Variants in ALK observed in about 807,000 individuals in gnomAD.
The protein encoded by ALK is ALK receptor tyrosine kinase.
ALK carries 74 observed loss-of-function variants against 163.1 expected under a neutral mutation model. The ratio of observed to expected loss-of-function variants is 0.45; its 90% CI spans 0.38 to 0.55. ALK has a LOEUF of 0.55. Among genes scored for constraint, ALK ranks in the 20% least tolerant of loss-of-function variants. The pLI is 0.00. For missense variants in ALK, 2,063 were observed against 2,105.3 expected (o/e 0.98, Z 0.39); for synonymous variants, 960 against 843.2 (o/e 1.14, Z -2.40).
At chr2:29,544,379 G>C (rs1029013210) in intron 3 of ALK, among the ~76,000 whole-genome samples, 10 of 152,190 alleles carry the variant, frequency 6.6e-5, no homozygotes, top group African/African-American at 2.4e-4. Flanking sequence ...AGACTTCTCA[G>C]AGCCTTGATA....
At chr2:29,846,254 C>G (rs1240725656) in intron 1 of ALK, among the ~76,000 whole-genome samples, 1 of 152,198 alleles carries the variant, frequency 6.6e-6, no homozygotes, top group Admixed American at 6.5e-5. Context: ...CACTTGCCCC[C>G]CCACCTGACC....
chr2:29,574,125 T>TGC (rs1379050745), intron 3 of ALK, among the ~76,000 whole-genome samples: 1 of 152,164 alleles, frequency 6.6e-6, no homozygotes, highest in East Asian at 1.9e-4. Context: ...TAAGTCCCAC[T>TGC]GCATGCAAGC....
chr2:29,401,911 G>C (rs564919951), intron 4 of ALK, among the ~76,000 whole-genome samples: 1 of 152,144 alleles, frequency 6.6e-6, no homozygotes, highest in East Asian at 1.9e-4. Flanking sequence ...ACTCCCCAGT[G>C]GTCTTCAATG....
chr2:29,769,258 G>A (rs1368948558), intron 1 of ALK, among the ~76,000 whole-genome samples: 1 of 152,186 alleles, frequency 6.6e-6, no homozygotes, highest in Non-Finnish European at 1.5e-5. Context: ...AGGGGTTGGA[G>A]TCTCTTGACT....
intron 4 of ALK, among the ~76,000 whole-genome samples, chr2:29,477,574 G>T (rs1671558719): frequency 6.6e-6 from 1 of 152,248 alleles, no homozygotes; most frequent in African/African-American, 2.4e-5. Context: ...GTTGGTCCCA[G>T]ATTTTAAAGG....
chr2:29,305,373 C>T (rs1666481328), intron 8 of ALK, among the ~76,000 whole-genome samples: 1 of 152,170 alleles, frequency 6.6e-6, no homozygotes. Context: ...TAGAACTACC[C>T]TCTTGGACCT....
At chr2:29,668,427 T>A (rs1573540624) in intron 3 of ALK, among the ~76,000 whole-genome samples, 1 of 152,252 alleles carries the variant, frequency 6.6e-6, no homozygotes, top group East Asian at 1.9e-4. Flanking sequence ...TTTTGTCATA[T>A]CCCATAGATT....
chr2:29,303,530 G>T (rs923591290), intron 8 of ALK, among the ~76,000 whole-genome samples: 1 of 152,320 alleles, frequency 6.6e-6, no homozygotes, highest in South Asian at 2.1e-4. Flanking sequence ...TCTCACCACT[G>T]GGTGTCCACC....
intron 3 of ALK, among the ~76,000 whole-genome samples, chr2:29,642,913 C>T (rs1198438200): frequency 6.6e-6 from 1 of 152,160 alleles, no homozygotes; most frequent in Non-Finnish European, 1.5e-5. Flanking sequence ...TTTTATTTAG[C>T]ACCTACATAG....
intron 4 of ALK, 25 bp from the exon 5 acceptor site, chr2:29,383,884 G>C (rs200854177): frequency 6.2e-7 from 1 of 1,613,832 alleles, no homozygotes; most frequent in Non-Finnish European, 8.5e-7. Context: ...AAACAGAGGA[G>C]AAAAGCATAG....
intron 1 of ALK, among the ~76,000 whole-genome samples, chr2:29,819,376 C>T (rs1336934255): frequency 2.0e-5 from 3 of 152,230 alleles, no homozygotes; most frequent in Non-Finnish European, 4.4e-5. Context: ...TTCTTCATAT[C>T]TCAGTCTCCT....
chr2:29,673,051 G>T (rs1488886054), intron 3 of ALK, among the ~76,000 whole-genome samples: 1 of 131,856 alleles, frequency 7.6e-6, no homozygotes, highest in African/African-American at 3.2e-5. Context: ...AAATTTGTTT[G>T]AGTTCATTGT....
intron 1 of ALK, among the ~76,000 whole-genome samples, chr2:29,773,568 G>C (rs976646314): frequency 3.2e-4 from 48 of 152,278 alleles, no homozygotes; most frequent in East Asian, 1.5e-3. Flanking sequence ...ATTAGATAAT[G>C]ATGAGTTTCT....
chr2:29,324,786 G>A lies in ALK; in HGVS notation c.1414+3564C>T, dbSNP rs561369791. Among the ~76,000 whole-genome samples the A allele has an allele frequency of 3.9e-5, 6 of 152,324 alleles. No homozygotes were observed. In the East Asian group the frequency reaches 7.7e-4, roughly 20 times the overall value. On this transcript the variant is annotated intron_variant, in intron 6 of 28. Transcript: ENST00000389048. ...CTGGGATGTCTCACTTGGATTTGGC[G>A]ATGTTTAATTAGAAATGCAGGAGTG...
At chr2:29,391,456 A>G (rs1669170285) in intron 4 of ALK, among the ~76,000 whole-genome samples, 2 of 152,050 alleles carry the variant, frequency 1.3e-5, no homozygotes, top group African/African-American at 4.8e-5. Flanking sequence ...GTGCGCCATC[A>G]TGCCCAGCTA....
At chr2:29,873,824 G>A (rs1666636636) in intron 1 of ALK, among the ~76,000 whole-genome samples, 1 of 151,754 alleles carries the variant, frequency 6.6e-6, no homozygotes, top group Non-Finnish European at 1.5e-5. Context: ...CAGTGATAAT[G>A]ACTGGGTAGC....
In ALK at chr2:29,559,196, C is replaced by T. The variant is rs530510774; in HGVS notation, c.953-27080G>A. Reference sequence around the variant, plus strand: ...CAGAGAGCCCCCAACTGAGCTTTAACGGCCTTTCCAGGAATCTGTATATTG... The same window carrying T: ...CAGAGAGCCCCCAACTGAGCTTTAATGGCCTTTCCAGGAATCTGTATATTG... On this transcript the variant is annotated intron_variant, in intron 3 of 28. Transcript: ENST00000389048. Among the ~76,000 whole-genome samples the T allele has an allele frequency of 2.3e-4, 35 of 152,290 alleles. 1 individual carries two copies. In the South Asian group the frequency reaches 6.6e-3, roughly 29 times the overall value.
At chr2:29,701,123 C>A (rs1678720399) in intron 2 of ALK, among the ~76,000 whole-genome samples, 1 of 152,216 alleles carries the variant, frequency 6.6e-6, no homozygotes, top group South Asian at 2.1e-4. Flanking sequence ...ATTTTGGACA[C>A]TTGGGTCTCC....
At chr2:29,659,471 A>T (rs1048282761) in intron 3 of ALK, among the ~76,000 whole-genome samples, 2 of 152,066 alleles carry the variant, frequency 1.3e-5, no homozygotes, top group Non-Finnish European at 2.9e-5. Context: ...CAGGTTCTCA[A>T]CTGGTCACAA....
Sources: allele counts gnomAD v4.1 joint callset (sites outside exome capture counted in the v4.1 genomes callset), GRCh38; gene constraint gnomAD v4.1.1; transcripts MANE v1.5; gene names NCBI Gene and HGNC (gene_info 2026-07-23, HGNC 2026-07-21).